Variants in RADIL observed in about 807,000 individuals in gnomAD.
The protein encoded by RADIL is ras-associating and dilute domain-containing protein.
Under a neutral mutation model 97.6 loss-of-function variants are expected in RADIL, and 99 were observed. That is an observed-to-expected ratio of 1.01 (90% CI 0.86 to 1.20). The LOEUF (loss-of-function observed/expected upper bound fraction) is 1.20. Ranked by LOEUF, RADIL falls within the 50% of genes most tolerant of loss-of-function variation. The pLI is 0.00. For missense variants in RADIL, 1,765 were observed against 1,498.9 expected (o/e 1.18, Z -2.93); for synonymous variants, 803 against 691.8 (o/e 1.16, Z -2.52).
At chr7:4,800,087 C>T in intron 13 of RADIL, 84 bp downstream of exon 13, 2 of 1,455,476 alleles carry the variant, frequency 1.4e-6, no homozygotes, top group South Asian at 1.3e-5. Context: ...GCCACGTGGC[C>T]ACGCAAGCTG....
chr7:4,826,427 G>A (rs1288201952), intron 5 of RADIL, among the ~76,000 whole-genome samples: 2 of 151,800 alleles, frequency 1.3e-5, no homozygotes, highest in Non-Finnish European at 2.9e-5. Flanking sequence ...AAGGAAAAGG[G>A]GAGTTTTTAA....
Position 4,797,190 on chromosome 7 carries a change from C to A in RADIL, c.*2188G>T, listed in dbSNP as rs926828004. 2.6e-5 allele frequency: 4 copies of A among 152,290 alleles called. No homozygotes were observed. Among genetic ancestry groups the A allele is most frequent in the African/African-American group, 9.6e-5 (4 of 41,470 alleles). 9.4% of individuals were successfully genotyped at this position (152,290 alleles called of 1,614,324 possible). A position where few individuals can be genotyped will look rare whatever the true frequency, so the allele number is the denominator to read the frequency against. On this transcript the variant is annotated 3_prime_UTR_variant, in exon 15 of 15. Transcript: ENST00000399583. ...CCAGAACAGCCAGTGGCAGCCCTCACCAGTCCCGCACCTCAGCTAGGTGCT... is the reference window on the plus strand; with the variant it reads ...CCAGAACAGCCAGTGGCAGCCCTCAACAGTCCCGCACCTCAGCTAGGTGCT...
intron 3 of RADIL, 90 bp downstream of exon 3, chr7:4,836,268 G>C (rs1783295980): frequency 6.5e-7 from 1 of 1,530,956 alleles, no homozygotes; most frequent in Non-Finnish European, 8.8e-7. Context: ...GGCCGACTGG[G>C]CTAAAGGCAG....
Position 4,801,831 on chromosome 7 carries a change from C to A in RADIL, c.2664G>T (p.Gly888=), listed in dbSNP as rs1353863877. Residue 888 remains glycine (G), a synonymous_variant, in exon 12 of 15, where the codon GGG becomes GGT. Transcript: ENST00000399583. The stretch of plus-strand genomic sequence containing the variant: ...TGTGCGGGGGGCCAGCCTGGGAGCC[C>A]CCACGGCTGGGTTGCCTTCCAGGGG... ...QAPPGRQPSR[G]GSQAGPPHTD... The A allele has an allele frequency of 6.2e-6, 10 of 1,604,766 alleles. No individual in the cohort carries two copies. Among genetic ancestry groups the A allele is most frequent in the Non-Finnish European group, 7.6e-6 (9 of 1,176,570 alleles).
Position 4,800,303 on chromosome 7 carries a change from A to G in RADIL, c.2850T>C (p.Ser950=). ...GAGGGGACTCCTCCGCAAGGGCTGC[A>G]GAGTCTCCTGGGTGGGGGCCAGGAA... ...GLRGAAPEGD[S]AALAEESPPA... Residue 950 remains serine, a synonymous_variant, in exon 13 of 15, where the codon TCT becomes TCC. Coordinates refer to ENST00000399583, the MANE Select transcript of RADIL (RefSeq NM_018059.5). 6.8e-7 allele frequency: 1 copy of G among 1,471,750 alleles called. No individual in the cohort carries two copies. The highest frequency in any genetic ancestry group is 1.4e-5 in the South Asian group (1 of 70,456). The allele number at this position is 1,471,750 out of a possible 1,614,324, so 91.2% of individuals were successfully genotyped here.
At chr7:4,829,164 C>A (rs1323153021) in intron 5 of RADIL, among the ~76,000 whole-genome samples, 11 of 152,240 alleles carry the variant, frequency 7.2e-5, no homozygotes, top group Admixed American at 7.2e-4. Context: ...ACTGTAGGGG[C>A]CCGGGCCTGG....
chr7:4,843,737 C>A (rs1250078721), intron 2 of RADIL, among the ~76,000 whole-genome samples: 1 of 151,990 alleles, frequency 6.6e-6, no homozygotes, highest in Non-Finnish European at 1.5e-5. Context: ...CATGGGGAAA[C>A]CCCGTCTCTA....
chr7:4,831,595 AAAAG>A (rs1783141410), intron 5 of RADIL, among the ~76,000 whole-genome samples: 1 of 151,226 alleles, frequency 6.6e-6, no homozygotes, highest in Non-Finnish European at 1.5e-5. Flanking sequence ...AAAAAAAAAA[AAAAG>A]CCAGGCACAG....
chr7:4,823,307 T>C (rs1004136377), intron 5 of RADIL, among the ~76,000 whole-genome samples: 3 of 151,112 alleles, frequency 2.0e-5, no homozygotes, highest in Admixed American at 1.3e-4. Context: ...AATACAAACA[T>C]TAGTCTGGCT....
Position 4,801,977 on chromosome 7 carries a change from G to A in RADIL, c.2518C>T (p.Leu840Phe). The change falls in exon 12 of 15, where the codon CTT becomes TTT. Residue 840 changes from leucine to phenylalanine, a missense_variant. By Grantham distance (22) the Leu-to-Phe change is conservative. Transcript: ENST00000399583. ...CTCGGGGCCTCCAGGTGCCCGTCAA[G>A]GACCACGTGGTGCATACCCTAGGGA... ...VCPEGMHHVVLDGHLEAPSCP... is the reference protein window; with the variant it reads ...VCPEGMHHVVFDGHLEAPSCP... 3 of 1,542,966 alleles carry A rather than the reference G, an allele frequency of 1.9e-6. No individual in the cohort carries two copies. The highest frequency in any genetic ancestry group is 2.6e-6 in the Non-Finnish European group (3 of 1,149,404).
Position 4,809,285 on chromosome 7 carries a change from T to G in RADIL, c.2140-3569A>C, listed in dbSNP as rs147732788. The G allele has an allele frequency of 2.8e-3, 2,803 of 985,298 alleles. 66 individuals carry two copies. The African/African-American group carries it at 0.044, about 15-fold the overall frequency. 61.0% of individuals were successfully genotyped at this position (985,298 alleles called of 1,614,324 possible). On this transcript the variant is annotated intron_variant, in intron 9 of 14. Coordinates refer to ENST00000399583, the MANE Select transcript of RADIL (RefSeq NM_018059.5). ...GCGAGAGGCCGGGGCCCCCCTTCCA[T>G]CACGAGGTTCCTGCCCTCGGCTCGG... is the stretch of plus-strand genomic sequence containing the variant.
At chr7:4,861,499 G>A (rs778850967) in intron 2 of RADIL, 3 of 1,613,954 alleles carry the variant, frequency 1.9e-6, no homozygotes, top group Admixed American at 1.7e-5. Context: ...CTCCTAATCT[G>A]TAAGAGCCAA....
chr7:4,830,723 C>A (rs1259868479), intron 5 of RADIL, among the ~76,000 whole-genome samples: 1 of 151,890 alleles, frequency 6.6e-6, no homozygotes, highest in Non-Finnish European at 1.5e-5. Flanking sequence ...ACTAAAAATA[C>A]AAAATTAGCG....
chr7:4,804,697 G>A (rs1312252359), intron 10 of RADIL, among the ~76,000 whole-genome samples: 2 of 152,176 alleles, frequency 1.3e-5, no homozygotes, highest in East Asian at 3.9e-4. Context: ...TGAGGCAGGA[G>A]AATCGCTTGA....
rs1782658996 is a variant in RADIL, at chr7:4,815,678, G to A, written c.1967-228C>T. The stretch of plus-strand genomic sequence containing the variant: ...TGAACGTAGCAGGGCAGGGTGGGCT[G>A]TGACTGCCGCTGACTCCACAGTGCA... On this transcript the variant is annotated intron_variant, in intron 8 of 14. Coordinates refer to ENST00000399583, the MANE Select transcript of RADIL (RefSeq NM_018059.5). This position sits in a 1 kb window ranked among gnomAD's most constrained non-coding sequence, Gnocchi z 8.0. Among the ~76,000 whole-genome samples the A allele has an allele frequency of 6.6e-6, 1 of 152,178 alleles. No homozygotes were observed. The highest frequency in any genetic ancestry group is 2.4e-5 in the African/African-American group (1 of 41,448).
At chr7:4,859,838 C>T (rs747161638) in intron 2 of RADIL, 48 of 1,067,438 alleles carry the variant, frequency 4.5e-5, no homozygotes, top group Non-Finnish European at 6.4e-5. Context: ...TCTCCTCTTC[C>T]GTTTTGGTTT....
chr7:4,807,475 CCTT>C (rs1464306923), intron 9 of RADIL, among the ~76,000 whole-genome samples: 1 of 151,568 alleles, frequency 6.6e-6, no homozygotes, highest in Non-Finnish European at 1.5e-5. Context: ...TCTTCCCTCT[CCTT>C]CTCCCCCTCC....
At chr7:4,832,050 G>T in intron 5 of RADIL, 91 bp downstream of exon 5, 2 of 1,395,480 alleles carry the variant, frequency 1.4e-6, no homozygotes, top group Non-Finnish European at 1.0e-6. Flanking sequence ...CCAAGGCGTG[G>T]GGAGACCCCT....
chr7:4,838,071 G>A (rs1412818990), intron 2 of RADIL: 4 of 985,276 alleles, frequency 4.1e-6, no homozygotes, highest in Admixed American at 6.1e-5. Flanking sequence ...GCCCGCAGGG[G>A]GCCAGGGCGT....
Sources: gnomAD v4.1 joint callset for allele counts (sites outside exome capture counted in the v4.1 genomes callset) on GRCh38, gnomAD v4.1.1 for gene constraint, Gnocchi (gnomAD v3.1) non-coding constraint, MANE v1.5 for transcripts, NCBI Gene and HGNC (gene_info 2026-07-23, HGNC 2026-07-21) for gene names.